The following HGF variants were observed in gnomAD, a reference collection of about 807,000 sequenced individuals.
HGF encodes the protein hepatocyte growth factor, also known as fibroblast-derived tumor cytotoxic factor.
A neutral mutation model predicts 111.6 loss-of-function variants in HGF; 39 were observed. That is an observed-to-expected ratio of 0.35 (90% CI 0.27 to 0.46). The LOEUF (loss-of-function observed/expected upper bound fraction) is 0.46, where lower values mean the gene tolerates loss of function less well. Among genes scored for constraint, HGF ranks in the 20% least tolerant of loss-of-function variants. The pLI is 1.00. For missense variants in HGF, 735 were observed against 910.5 expected, an observed-to-expected ratio of 0.81 and a Z score of 2.48; for synonymous variants, 285 against 294.8, an observed-to-expected ratio of 0.97 and a Z score of 0.34.
Position 81,742,869 on chromosome 7 carries a change from A to G in HGF, c.865+484T>C, listed in dbSNP as rs1583972772. The stretch of plus-strand genomic sequence containing the variant: ...TTAGAGACATCTGTGATAAACTTCT[A>G]TTAGACTCATTATTCTTCACTGCAG... On this transcript the variant is annotated intron_variant, in intron 7 of 17. Transcript: ENST00000222390. The G allele has an allele frequency of 3.7e-6, 6 of 1,606,500 alleles. No individual in the cohort carries two copies. The East Asian group carries it at 6.7e-5, about 18-fold the overall frequency.
At chr7:81,736,737 TGG>T (rs1166944265) in intron 7 of HGF, 1 of 475,586 alleles carries the variant, frequency 2.1e-6, no homozygotes, top group African/African-American at 2.0e-5. Flanking sequence ...TCATTGTGGC[TGG>T]AACAGACAGC....
At chr7:81,712,981 A>T (rs1161340558) in intron 11 of HGF, among the ~76,000 whole-genome samples, 2 of 152,182 alleles carry the variant, frequency 1.3e-5, no homozygotes, top group Non-Finnish European at 2.9e-5. Context: ...TCAGAGTTTT[A>T]GTTCATTAAG....
At chr7:81,747,296 A>G (rs112870145) in intron 5 of HGF, among the ~76,000 whole-genome samples, 1,689 of 152,134 alleles carry the variant, frequency 0.011, 31 homozygotes, top group African/African-American at 0.037. Context: ...CCGAGATGGC[A>G]CCACTGCACT....
At chr7:81,734,533 A>G (rs1288292585) in intron 7 of HGF, among the ~76,000 whole-genome samples, 2 of 152,104 alleles carry the variant, frequency 1.3e-5, no homozygotes, top group Non-Finnish European at 1.5e-5. Flanking sequence ...TAAGATTTGA[A>G]CAGATTTTTT....
At chr7:81,732,725 A>C (rs1251501740) in intron 7 of HGF, among the ~76,000 whole-genome samples, 1 of 152,156 alleles carries the variant, frequency 6.6e-6, no homozygotes, top group Non-Finnish European at 1.5e-5. Flanking sequence ...ATAAGCAATC[A>C]CGTGATAATC....
chr7:81,756,117 C>T (rs1788758157), intron 4 of HGF: 1 of 694,430 alleles, frequency 1.4e-6, no homozygotes, highest in Admixed American at 2.0e-5. Context: ...TGTGTCATGC[C>T]CTGAAGTTGT....
intron 5 of HGF, chr7:81,751,024 T>G: frequency 3.0e-6 from 3 of 984,544 alleles, no homozygotes; most frequent in Non-Finnish European, 3.6e-6. Context: ...CTGTAGCACA[T>G]AAAGTCAAGG....
chr7:81,717,199 T>G, intron 11 of HGF, 33 bp downstream of exon 11: 1 of 1,604,734 alleles, frequency 6.2e-7, no homozygotes. Flanking sequence ...ATTTAAAATA[T>G]TTCACAAGAC....
intron 3 of HGF, 25 bp from the exon 4 acceptor site, chr7:81,757,328 A>C (rs2116184296): frequency 8.2e-7 from 1 of 1,219,132 alleles, no homozygotes; most frequent in South Asian, 1.2e-5. Context: ...AGATAAAATT[A>C]TTGCAACTAT....
intron 1 of HGF, among the ~76,000 whole-genome samples, chr7:81,768,705 T>C (rs1272817238): frequency 2.0e-5 from 3 of 152,154 alleles, no homozygotes; most frequent in Non-Finnish European, 4.4e-5. Context: ...ACATGACACA[T>C]GTCAAGCATG....
intron 1 of HGF, among the ~76,000 whole-genome samples, chr7:81,766,019 T>A (rs1789339098): frequency 6.6e-6 from 1 of 152,214 alleles, no homozygotes; most frequent in Non-Finnish European, 1.5e-5. Context: ...TCTCCCAGTA[T>A]GGGAAAACAT....
intron 7 of HGF, among the ~76,000 whole-genome samples, chr7:81,738,542 G>C (rs1286991024): frequency 6.6e-6 from 1 of 152,042 alleles, no homozygotes; most frequent in Non-Finnish European, 1.5e-5. Context: ...CCATCCCAGA[G>C]CACCCTGGCA....
chr7:81,713,989 CGT>C (rs10539468), intron 11 of HGF, among the ~76,000 whole-genome samples: 76,001 of 142,134 alleles, frequency 0.53, 20,597 homozygotes, highest in Middle Eastern at 0.65. Context: ...GGTGTGTGTG[CGT>C]GTGTGTGTGT....
intron 4 of HGF, chr7:81,755,297 T>G (rs917108151): frequency 6.6e-6 from 1 of 152,166 alleles, no homozygotes; most frequent in African/African-American, 2.4e-5. Flanking sequence ...TTTTCTATTT[T>G]CTGTAAAATT....
intron 12 of HGF, among the ~76,000 whole-genome samples, chr7:81,710,783 A>T (rs530956477): frequency 7.2e-6 from 1 of 138,074 alleles, no homozygotes; most frequent in Non-Finnish European, 1.5e-5. Flanking sequence ...GTCCAAAGAC[A>T]TAATATAAAA....
At chr7:81,768,887 G>GT (rs1322033743) in intron 1 of HGF, among the ~76,000 whole-genome samples, 6 of 152,078 alleles carry the variant, frequency 3.9e-5, no homozygotes, top group Non-Finnish European at 7.4e-5. Flanking sequence ...AAATTCTTGA[G>GT]TTTTTTAACC....
Position 81,752,217 on chromosome 7 carries a change from G to A in HGF, c.528C>T (p.Tyr176=), listed in dbSNP as rs2116122801. 6.2e-7 allele frequency: 1 copy of A among 1,613,542 alleles called. No individual in the cohort carries two copies. The highest frequency in any genetic ancestry group is 8.5e-7 in the Non-Finnish European group (1 of 1,179,540). The change falls in exon 5 of 18, where the codon TAC becomes TAT. Residue 176 remains tyrosine, a synonymous_variant. Coordinates refer to ENST00000222390, the MANE Select transcript of HGF (RefSeq NM_000601.6). ...CTTCTTCCCCTCGAGGATTTCGACAGTAGTTTTCCTGTAGGTCTTTACCCC... is the reference window on the plus strand; with the variant it reads ...CTTCTTCCCCTCGAGGATTTCGACAATAGTTTTCCTGTAGGTCTTTACCCC... ...SYRGKDLQEN[Y]CRNPRGEEGG... is the part of the protein sequence containing the mutation.
intron 4 of HGF, among the ~76,000 whole-genome samples, chr7:81,752,597 C>T (rs1788558633): frequency 6.6e-6 from 1 of 152,166 alleles, no homozygotes; most frequent in Middle Eastern, 3.4e-3. Flanking sequence ...TGAGCAAGGC[C>T]ACTTAGGACA....
intron 5 of HGF, chr7:81,750,806 C>T (rs977723047): frequency 2.5e-5 from 5 of 197,690 alleles, no homozygotes; most frequent in Non-Finnish European, 3.2e-5. Flanking sequence ...GAGAGATTCC[C>T]CTAAAAGTAG....
Sources: allele counts gnomAD v4.1 joint callset (sites outside exome capture counted in the v4.1 genomes callset), GRCh38; gene constraint gnomAD v4.1.1; transcripts MANE v1.5; gene names NCBI Gene and HGNC (gene_info 2026-07-23, HGNC 2026-07-21).